CNTN4: variants seen among roughly 807,000 people sequenced by gnomAD.
CNTN4 encodes the protein contactin-4.
A neutral mutation model predicts 122.5 loss-of-function variants in CNTN4; 77 were observed. The ratio of observed to expected loss-of-function variants is 0.63; its 90% confidence interval spans 0.52 to 0.76. The LOEUF (loss-of-function observed/expected upper bound fraction) is 0.76. Ranked by LOEUF, CNTN4 falls within the 30% of genes least tolerant of loss-of-function variation. CNTN4 has a pLI of 0.00. For synonymous variants in CNTN4, 512 were observed against 447.0 expected (o/e 1.15, Z -1.83); for missense variants, 1,256 against 1,259.1 (o/e 1.00, Z 0.04).
intron 3 of CNTN4, among the ~76,000 whole-genome samples, chr3:2,508,702 TG>T (rs2076801708): frequency 6.6e-6 from 1 of 152,236 alleles, no homozygotes; most frequent in African/African-American, 2.4e-5. Context: ...GTATACATTT[TG>T]GCTTCTAAAA....
In CNTN4 at chr3:2,187,513, C is replaced by T. The variant is rs180932786; in HGVS notation, c.-145+86874C>T. The stretch of plus-strand genomic sequence containing the variant: ...TGCTATGGCTGGAGTCCCTTGGGGG[C>T]GTGATTCCCATTCTTATTCCTAGGT... On this transcript the variant is annotated intron_variant, in intron 2 of 24. Transcript: ENST00000418658. 6.1e-4 allele frequency among the ~76,000 whole-genome samples: 93 copies of T among 152,202 alleles called. No homozygotes were observed. The Middle Eastern group carries it at 0.01, about 17-fold the overall frequency.
chr3:2,312,387 A>G (rs958869598), intron 2 of CNTN4, among the ~76,000 whole-genome samples: 1 of 152,146 alleles, frequency 6.6e-6, no homozygotes, highest in Non-Finnish European at 1.5e-5. Flanking sequence ...AACATTTGAC[A>G]TACAGCATAA....
intron 12 of CNTN4, among the ~76,000 whole-genome samples, chr3:2,923,999 A>G (rs1263957963): frequency 6.6e-6 from 1 of 152,112 alleles, no homozygotes; most frequent in East Asian, 1.9e-4. Flanking sequence ...TGCACTTATT[A>G]TCATTGAATT....
intron 3 of CNTN4, among the ~76,000 whole-genome samples, chr3:2,462,393 T>C (rs908059773): frequency 2.0e-5 from 3 of 152,114 alleles, no homozygotes; most frequent in Non-Finnish European, 4.4e-5. Flanking sequence ...TGTTTAGATA[T>C]AGGATGAAAG....
intron 4 of CNTN4, among the ~76,000 whole-genome samples, chr3:2,660,010 A>G (rs908166741): frequency 6.6e-6 from 1 of 152,190 alleles, no homozygotes; most frequent in Non-Finnish European, 1.5e-5. Flanking sequence ...TTAAAATAGC[A>G]TGACGATCTG....
rs1172775619 is a variant in CNTN4, at chr3:2,770,678, C to G, written c.358+24981C>G. On this transcript the variant is annotated intron_variant, in intron 6 of 24. Transcript: ENST00000418658. ...TCCAGGGCTAGAGATAATCAGTGGA[C>G]CAGGCTGAGCAAAGGAATGTAAATC... is the stretch of plus-strand genomic sequence containing the variant. Among the ~76,000 whole-genome samples the G allele has an allele frequency of 2.0e-5, 3 of 152,184 alleles. No individual in the cohort carries two copies. The East Asian group carries it at 5.8e-4, about 29-fold the overall frequency.
At chr3:2,937,179 T>A (rs2094574422) in intron 13 of CNTN4, among the ~76,000 whole-genome samples, 1 of 152,230 alleles carries the variant, frequency 6.6e-6, no homozygotes, top group African/African-American at 2.4e-5. Flanking sequence ...ACTTACACTT[T>A]TGATTAAATT....
At chr3:2,600,002 A>ATTTTTTTTTT (rs2080953025) in intron 4 of CNTN4, among the ~76,000 whole-genome samples, 4 of 50,102 alleles carry the variant, frequency 8.0e-5, no homozygotes, top group Non-Finnish European at 1.6e-4. Flanking sequence ...GGTTTATGGA[A>ATTTTTTTTTT]TTCTTCTTTT....
chr3:2,120,376 TATATATATATATATATATATATATA>T (rs2033657079), intron 2 of CNTN4, among the ~76,000 whole-genome samples: 3 of 39,524 alleles, frequency 7.6e-5, no homozygotes, highest in South Asian at 1.4e-3. Context: ...TATATATAAA[TATATATATATATATATATATATATA>T]TATATTTTTT....
chr3:2,849,574 C>G (rs1361258573), intron 7 of CNTN4, among the ~76,000 whole-genome samples: 1 of 152,176 alleles, frequency 6.6e-6, no homozygotes, highest in Non-Finnish European at 1.5e-5. Flanking sequence ...CTGATGGGAG[C>G]AGAAAGAAGT....
At chr3:2,183,302 C>A (rs1168815438) in intron 2 of CNTN4, among the ~76,000 whole-genome samples, 4 of 152,246 alleles carry the variant, frequency 2.6e-5, no homozygotes, top group Middle Eastern at 6.8e-3. Context: ...ACTGACAAAG[C>A]AAGGCACAAT....
chr3:2,535,051 A>G (rs1298340405), intron 3 of CNTN4, among the ~76,000 whole-genome samples: 3 of 152,186 alleles, frequency 2.0e-5, no homozygotes, highest in Non-Finnish European at 4.4e-5. Context: ...GACTCTGGGC[A>G]TAGCTTATGT....
intron 2 of CNTN4, among the ~76,000 whole-genome samples, chr3:2,273,632 T>C (rs911452328): frequency 2.0e-5 from 3 of 152,318 alleles, no homozygotes; most frequent in African/African-American, 7.2e-5. Context: ...AGAAATTTAA[T>C]TGACTGAGCC....
chr3:2,722,298 T>C (rs1179308507), intron 4 of CNTN4, among the ~76,000 whole-genome samples: 2 of 152,200 alleles, frequency 1.3e-5, no homozygotes, highest in Non-Finnish European at 2.9e-5. Context: ...CTTCTCTCTG[T>C]CTATCCTCAG....
At chr3:2,623,241 T>G (rs1158970031) in intron 4 of CNTN4, among the ~76,000 whole-genome samples, 1 of 152,082 alleles carries the variant, frequency 6.6e-6, no homozygotes, top group Non-Finnish European at 1.5e-5. Flanking sequence ...ATTTTTTTTT[T>G]TTTCATTTTT....
chr3:2,340,710 T>TATATGTAGAGAGAG, intron 3 of CNTN4, among the ~76,000 whole-genome samples: 1 of 18,294 alleles, frequency 5.5e-5, no homozygotes, highest in African/African-American at 1.0e-4. Flanking sequence ...TATATATATA[T>TATATGTAGAGAGAG]AGAGAGAGAG....
At chr3:2,754,874 C>T (rs1295376262) in intron 6 of CNTN4, among the ~76,000 whole-genome samples, 1 of 152,012 alleles carries the variant, frequency 6.6e-6, no homozygotes, top group Non-Finnish European at 1.5e-5. Flanking sequence ...GTGAAAATAT[C>T]AATTGAATAA....
chr3:2,175,686 G>A (rs2036719402), intron 2 of CNTN4, among the ~76,000 whole-genome samples: 2 of 152,112 alleles, frequency 1.3e-5, no homozygotes, highest in African/African-American at 2.4e-5. Flanking sequence ...TGAACCAGAG[G>A]TGGGTCCCTG....
intron 7 of CNTN4, among the ~76,000 whole-genome samples, chr3:2,844,223 C>G (rs1577028771): frequency 1.3e-5 from 2 of 152,176 alleles, no homozygotes; most frequent in East Asian, 3.9e-4. Context: ...ACTCACCATC[C>G]TTCTCCATCG....
Sources: gnomAD v4.1 joint callset for allele counts (sites outside exome capture counted in the v4.1 genomes callset) on GRCh38, gnomAD v4.1.1 for gene constraint, MANE v1.5 for transcripts, NCBI Gene and HGNC (gene_info 2026-07-23, HGNC 2026-07-21) for gene names.